EPG5: variants seen among roughly 807,000 people sequenced by gnomAD.
The protein encoded by EPG5 is ectopic P-granules 5 autophagy tethering factor.
EPG5 carries 159 observed loss-of-function variants against 302.7 expected under a neutral mutation model. The ratio of observed to expected loss-of-function variants is 0.53; its 90% CI spans 0.46 to 0.60. EPG5 has a LOEUF of 0.60. EPG5 is among the 20% of genes least tolerant of loss of function. EPG5 has a pLI of 0.00. For synonymous variants in EPG5, 1,158 were observed against 1,136.8 expected (o/e 1.02, Z -0.37); for missense variants, 2,896 against 3,092.4 (o/e 0.94, Z 1.51).
rs2050182266 is a variant in EPG5 at position 45,922,537 on chromosome 18, C to T, written c.2902G>A (p.Ala968Thr). 3 of 1,614,004 alleles carry T rather than the reference C, an allele frequency of 1.9e-6. No homozygotes were observed. The highest frequency in any genetic ancestry group is 8.5e-7 in the Non-Finnish European group (1 of 1,180,028). The change falls in exon 16 of 44, where the codon GCC (alanine) becomes ACC (threonine). Residue 968 changes from alanine to threonine, a missense_variant. Around this residue, in one of 5 missense-constraint regions of EPG5, gnomAD observed 1,390 missense variants for 1,430.0 expected, o/e 0.97. Transcript: ENST00000282041. ...ETPETSFNQWAWNLILRLKLH... is the reference protein window; with the variant it reads ...ETPETSFNQWTWNLILRLKLH... ...TTTAGCCTCAAGATTAAATTCCAGG[C>T]CCATTGGTTAAATGAGGTCTCGGGT...
the EPG5 span, among the ~76,000 whole-genome samples, chr18:45,822,890 T>A: frequency 6.6e-6 from 1 of 152,184 alleles, no homozygotes; most frequent in African/African-American, 2.4e-5. Flanking sequence ...GGACTATTTA[T>A]TAGGTACCCT....
At chr18:45,827,136 G>A in the EPG5 span, among the ~76,000 whole-genome samples, 692 of 152,272 alleles carry the variant, frequency 4.5e-3, 5 homozygotes, top group African/African-American at 0.015. Context: ...GCCTGGTCTC[G>A]AACTCCTGAC....
rs146239692 is a variant in EPG5 at position 45,911,509 on chromosome 18, G to A, written c.3984-767C>T. 6.9e-3 allele frequency among the ~76,000 whole-genome samples: 1,051 copies of A among 151,898 alleles called. 12 individuals are homozygous for A. The highest frequency in any genetic ancestry group is 0.023 in the African/African-American group (971 of 41,420). ...GGGTTTCACCATGTTAGCCAGGATG[G>A]TCTTGATCTCCTGATCTCATGATCC... On this transcript the variant is annotated intron_variant, in intron 22 of 43. Transcript: ENST00000282041.
intron 39 of EPG5, among the ~76,000 whole-genome samples, chr18:45,862,959 T>C (rs1280147537): frequency 1.3e-5 from 2 of 152,254 alleles, no homozygotes; most frequent in Non-Finnish European, 2.9e-5. Flanking sequence ...AAAGTTTGCT[T>C]CTTAATTTCC....
intron 23 of EPG5, among the ~76,000 whole-genome samples, chr18:45,908,372 C>A (rs1419987865): frequency 6.6e-6 from 1 of 152,108 alleles, no homozygotes; most frequent in Non-Finnish European, 1.5e-5. Flanking sequence ...AAAAAAATAA[C>A]TGGAAAAGAT....
intron 20 of EPG5, 115 bp downstream of exon 20, chr18:45,915,396 C>T (rs988146478): frequency 2.7e-6 from 2 of 742,038 alleles, no homozygotes; most frequent in Admixed American, 5.0e-5. Flanking sequence ...TATACTTACA[C>T]TAGAATAAGT....
chr18:45,859,616 A>G (rs994194567), intron 40 of EPG5, among the ~76,000 whole-genome samples: 22 of 152,204 alleles, frequency 1.4e-4, no homozygotes, highest in African/African-American at 5.3e-4. Flanking sequence ...TTTAAAAAGG[A>G]GGGGTGACAA....
At position 45,851,355 on chromosome 18, in the gene EPG5, A is replaced by G. The variant is rs1261270913; in HGVS notation, c.*1112T>C. On this transcript the variant is annotated 3_prime_UTR_variant, in exon 44 of 44. Transcript: ENST00000282041. The stretch of plus-strand genomic sequence containing the variant: ...ATAACATGAGCAAGAAGATGGCCAC[A>G]GAACAAGGCAAAGTTACACACAGGC... 6.6e-6 allele frequency: 1 copy of G among 152,248 alleles called. No homozygotes were observed. The highest frequency in any genetic ancestry group is 1.9e-4 in the East Asian group (1 of 5,196). The allele number at this position is 152,248 out of a possible 1,614,324, so 9.4% of individuals were successfully genotyped here.
chr18:45,864,839 A>C (rs2048711685), intron 39 of EPG5, among the ~76,000 whole-genome samples: 1 of 152,244 alleles, frequency 6.6e-6, no homozygotes, highest in Non-Finnish European at 1.5e-5. Flanking sequence ...CAAAACAGAT[A>C]TCTCTTTTCC....
In EPG5 at chr18:45,930,596, A is replaced by G. The variant is rs548301417; in HGVS notation, c.2412+80T>C. 2.9e-4 allele frequency: 364 copies of G among 1,235,922 alleles called. 1 individual carries two copies. The African/African-American group carries it at 5.1e-3, about 17-fold the overall frequency. The allele number at this position is 1,235,922 out of a possible 1,614,324, so 76.6% of individuals were successfully genotyped here. A position where few individuals can be genotyped will look rare whatever the true frequency, so the allele number is the denominator to read the frequency against. ...AGCTAAATAAGTCACAATTTGTAAA[A>G]GCAATCCCCCAAAAAATCAACAGAT... On this transcript the variant is annotated intron_variant, in intron 12 of 43. Transcript: ENST00000282041.
chr18:45,826,165 G>A, the EPG5 span, among the ~76,000 whole-genome samples: 1 of 152,154 alleles, frequency 6.6e-6, no homozygotes, highest in Non-Finnish European at 1.5e-5. Flanking sequence ...CACAGCCTGA[G>A]GAAGAAGGGC....
At chr18:45,953,722 T>C in intron 2 of EPG5, 1 of 985,320 alleles carries the variant, frequency 1.0e-6, no homozygotes, top group Non-Finnish European at 1.2e-6. Context: ...TCTCCATTGC[T>C]TATAGTTAAG....
chr18:45,912,235 A>G (rs528607078), intron 22 of EPG5, 55 bp downstream of exon 22: 6 of 1,435,856 alleles, frequency 4.2e-6, no homozygotes, highest in Admixed American at 2.5e-5. Context: ...ATAGAATGAG[A>G]GCAGTGCAAA....
chr18:45,801,966 C>T, the EPG5 span, among the ~76,000 whole-genome samples: 4 of 152,138 alleles, frequency 2.6e-5, no homozygotes, highest in Non-Finnish European at 4.4e-5. Context: ...CTGGGTCCTG[C>T]CTCATCAGCT....
the EPG5 span, among the ~76,000 whole-genome samples, chr18:45,804,945 G>A: frequency 6.6e-6 from 1 of 152,116 alleles, no homozygotes; most frequent in African/African-American, 2.4e-5. Context: ...AATGCTGGGG[G>A]CAGGTATAAG....
the EPG5 span, chr18:45,840,164 G>C: frequency 1.9e-6 from 3 of 1,608,146 alleles, no homozygotes; most frequent in Admixed American, 3.4e-5. Context: ...ACAGGCTGCA[G>C]ACTGCGGTGG....
chr18:45,867,638 T>A lies in EPG5; in HGVS notation c.6336A>T (p.Glu2112Asp). Residue 2112 changes from glutamate (E) to aspartate (D), a missense_variant, in exon 37 of 44, where the codon GAA becomes GAT. Physicochemically the swap from Glu to Asp is conservative, Grantham distance 45 (BLOSUM62 2). Around this residue, in one of 5 missense-constraint regions of EPG5, gnomAD observed 620 missense variants for 704.2 expected, o/e 0.88. Coordinates refer to ENST00000282041, the MANE Select transcript of EPG5 (RefSeq NM_020964.3). ...SDAWNSSPHP[E>D]TRSMIVCLLF... ...GGAGGCAGACAATCATGCTGCGGGT[T>A]TCTGGGTGGGGACTGGAATTCCAGG... The A allele has an allele frequency of 6.2e-7, 1 of 1,614,136 alleles. No homozygotes were observed. Among genetic ancestry groups the A allele is most frequent in the Non-Finnish European group, 8.5e-7 (1 of 1,180,012 alleles).
chr18:45,825,920 G>A, the EPG5 span: 2 of 975,606 alleles, frequency 2.1e-6, no homozygotes, highest in Non-Finnish European at 3.1e-6. Flanking sequence ...CTGCGCTTGG[G>A]GCCTGTGGTG....
chr18:45,839,618 CCTCTGGTGGGG>C, the EPG5 span, among the ~76,000 whole-genome samples: 3 of 152,156 alleles, frequency 2.0e-5, no homozygotes, highest in Non-Finnish European at 4.4e-5. Context: ...GGTATGCCTC[CCTCTGGTGGGG>C]CATCTGGAGA....
Sources: gnomAD v4.1 joint callset for allele counts (sites outside exome capture counted in the v4.1 genomes callset) on GRCh38, gnomAD v4.1.1 for gene constraint, gnomAD v4.1.1 regional missense constraint, MANE v1.5 for transcripts, NCBI Gene and HGNC (gene_info 2026-07-23, HGNC 2026-07-21) for gene names.